Variants in G3BP1 observed in about 807,000 individuals in gnomAD.
G3BP1 encodes G3BP stress granule assembly factor 1, also known as ras GTPase-activating protein-binding protein 1.
A neutral mutation model predicts 58.6 loss-of-function variants in G3BP1; 35 were observed. That is an observed-to-expected ratio of 0.60 (90% CI 0.46 to 0.79). G3BP1 has a LOEUF of 0.79. Among genes scored for constraint, G3BP1 ranks in the 30% least tolerant of loss-of-function variants. The pLI is 0.00. For missense variants in G3BP1, 523 were observed against 580.8 expected, an observed-to-expected ratio of 0.90 and a Z score of 1.02; for synonymous variants, 191 against 195.4, an observed-to-expected ratio of 0.98 and a Z score of 0.19.
rs376195299 is a variant in G3BP1, at chr5:151,802,215, T to C, written c.1194+1346T>C. On this transcript the variant is annotated intron_variant, in intron 11 of 11. Transcript: ENST00000356245. Reference sequence around the variant, plus strand: ...TTTGACCATTTATTTTTGTGAAGCATCTCCTGCAAAATACTGTTTGAGAAA... The same window carrying C: ...TTTGACCATTTATTTTTGTGAAGCACCTCCTGCAAAATACTGTTTGAGAAA... 1.1e-4 allele frequency among the ~76,000 whole-genome samples: 16 copies of C among 152,330 alleles called. No homozygotes were observed. In the East Asian group the frequency reaches 1.2e-3, roughly 11 times the overall value.
Position 151,797,255 on chromosome 5 carries a change from C to T in G3BP1, c.568C>T (p.Pro190Ser). 6.2e-7 allele frequency: 1 copy of T among 1,612,826 alleles called. No individual in the cohort carries two copies. Among genetic ancestry groups the T allele is most frequent in the South Asian group, 1.1e-5 (1 of 91,058 alleles). ...TGACATGGAAGAACATTTAGAGGAG[C>T]CTGTTGCTGAACCAGAGCCTGATCC... ...SNDMEEHLEE[P>S]VAEPEPDPEP... The change falls in exon 7 of 12, where the codon CCT becomes TCT. Residue 190 changes from proline to serine, a missense_variant. Pro to Ser is a moderately conservative substitution (Grantham distance 74, BLOSUM62 -1). Around this residue, in one of 2 missense-constraint regions of G3BP1, gnomAD observed 398 missense variants for 399.1 expected, o/e 1.00. Coordinates refer to ENST00000356245, the MANE Select transcript of G3BP1 (RefSeq NM_005754.3).
At chr5:151,790,218 G>T in intron 2 of G3BP1, 105 bp from the exon 3 acceptor site, 2 of 535,050 alleles carry the variant, frequency 3.7e-6, no homozygotes, top group Admixed American at 3.9e-5. Context: ...GTGACAGAAT[G>T]AGACCCCGTT....
chr5:151,775,298 T>C (rs1762348077), intron 1 of G3BP1, among the ~76,000 whole-genome samples: 1 of 152,250 alleles, frequency 6.6e-6, no homozygotes, highest in African/African-American at 2.4e-5. Flanking sequence ...ATGTAATCTT[T>C]GGTGGCTATT....
chr5:151,775,770 C>G (rs941825355), intron 1 of G3BP1, among the ~76,000 whole-genome samples: 1 of 152,132 alleles, frequency 6.6e-6, no homozygotes, highest in African/African-American at 2.4e-5. Flanking sequence ...AAATTGTGAA[C>G]CTGAGTAGGT....
At chr5:151,772,292 G>T (rs1482127838) in intron 1 of G3BP1, 1 of 151,724 alleles carries the variant, frequency 6.6e-6, no homozygotes, top group African/African-American at 2.4e-5. Flanking sequence ...GGCCTCGCGG[G>T]GCAGGAGTAA....
chr5:151,795,353 CA>C, intron 5 of G3BP1, 125 bp from the exon 6 acceptor site: 1 of 596,052 alleles, frequency 1.7e-6, no homozygotes, highest in Non-Finnish European at 3.0e-6. Flanking sequence ...ATGATTTTAC[CA>C]AATTGTCCTA....
At chr5:151,774,623 A>G (rs1361253884) in intron 1 of G3BP1, among the ~76,000 whole-genome samples, 3 of 151,322 alleles carry the variant, frequency 2.0e-5, no homozygotes, top group African/African-American at 7.3e-5. Flanking sequence ...TAGGCATTGT[A>G]TGTTTGTTTA....
intron 6 of G3BP1, 25 bp downstream of exon 6, chr5:151,795,600 C>A: frequency 8.5e-7 from 1 of 1,174,030 alleles, no homozygotes; most frequent in South Asian, 1.2e-5. Flanking sequence ...TTCACATGTC[C>A]GGGGCTGCAT....
intron 2 of G3BP1, among the ~76,000 whole-genome samples, chr5:151,788,409 CT>C (rs111844263): frequency 1.3e-5 from 2 of 149,746 alleles, no homozygotes; most frequent in African/African-American, 4.9e-5. Flanking sequence ...CCCTTTCTTT[CT>C]TTTTTTTTGA....
chr5:151,774,625 GT>G (rs1762335943), intron 1 of G3BP1, among the ~76,000 whole-genome samples: 1 of 150,642 alleles, frequency 6.6e-6, no homozygotes, highest in Non-Finnish European at 1.5e-5. Flanking sequence ...GGCATTGTAT[GT>G]TTGTTTAATT....
At chr5:151,801,819 ATTTTTTTT>A (rs570635661) in intron 11 of G3BP1, among the ~76,000 whole-genome samples, 1 of 145,818 alleles carries the variant, frequency 6.9e-6, no homozygotes, top group Non-Finnish European at 1.5e-5. Flanking sequence ...TTATTTTTTT[ATTTTTTTT>A]TTTTTGAGAC....
chr5:151,793,007 A>C (rs1183686067), intron 4 of G3BP1, among the ~76,000 whole-genome samples: 1 of 152,186 alleles, frequency 6.6e-6, no homozygotes, highest in African/African-American at 2.4e-5. Context: ...TCTTATACCT[A>C]CTGCGAGCAA....
intron 9 of G3BP1, 78 bp downstream of exon 9, chr5:151,800,078 A>G: frequency 1.7e-6 from 2 of 1,169,188 alleles, no homozygotes; most frequent in East Asian, 2.5e-5. Context: ...GTTGATATTT[A>G]TATACTTTAA....
chr5:151,774,418 A>T (rs182395004), intron 1 of G3BP1, among the ~76,000 whole-genome samples: 200 of 151,950 alleles, frequency 1.3e-3, no homozygotes, highest in Middle Eastern at 0.01. Flanking sequence ...GTTTTTGTAA[A>T]AGTTTGTGAA....
chr5:151,789,368 T>TA (rs77771049), intron 2 of G3BP1, among the ~76,000 whole-genome samples: 40 of 149,338 alleles, frequency 2.7e-4, no homozygotes, highest in Non-Finnish European at 3.7e-4. Flanking sequence ...GACTCTGTCT[T>TA]AAAAAAAAAA....
At chr5:151,790,724 TGGGAATAGAGTATACAAAGAA>T (rs1453686518) in intron 3 of G3BP1, among the ~76,000 whole-genome samples, 144 bp from the exon 4 acceptor site, 4 of 152,184 alleles carry the variant, frequency 2.6e-5, no homozygotes, top group African/African-American at 9.7e-5. Flanking sequence ...GCGCGGTCAC[TGGGAATAGAGTATACAAAGAA>T]ACATCAAAAT....
chr5:151,800,458 TAAAA>T, intron 10 of G3BP1, 112 bp downstream of exon 10: 1 of 569,702 alleles, frequency 1.8e-6, no homozygotes, highest in Middle Eastern at 3.0e-4. Context: ...TAGTCATGGT[TAAAA>T]AAAAAAAGGT....
At chr5:151,795,291 C>CA (rs978897087) in intron 5 of G3BP1, among the ~76,000 whole-genome samples, 188 bp from the exon 6 acceptor site, 10 of 151,670 alleles carry the variant, frequency 6.6e-5, no homozygotes, top group African/African-American at 9.7e-5. Flanking sequence ...AAACAAAAAA[C>CA]AAAAAAAAGT....
chr5:151,801,594 C>T (rs1373383012), intron 11 of G3BP1, among the ~76,000 whole-genome samples: 9 of 152,106 alleles, frequency 5.9e-5, no homozygotes, highest in Non-Finnish European at 1.0e-4. Flanking sequence ...CATTATTGTG[C>T]AACCATTACC....
Sources: allele counts gnomAD v4.1 joint callset (sites outside exome capture counted in the v4.1 genomes callset), GRCh38; gene constraint gnomAD v4.1.1; regional missense constraint gnomAD v4.1.1; transcripts MANE v1.5; gene names NCBI Gene and HGNC (gene_info 2026-07-23, HGNC 2026-07-21).